FAT4: variants seen among roughly 807,000 people sequenced by gnomAD.
The protein encoded by FAT4 is FAT atypical cadherin 4, also known as protocadherin Fat 4.
In FAT4, 84 loss-of-function variants were observed where a neutral mutation model predicts 303.9. The ratio of observed to expected loss-of-function variants is 0.28; its 90% CI spans 0.23 to 0.33. The LOEUF (loss-of-function observed/expected upper bound fraction) is 0.33. FAT4 is among the 10% of genes least tolerant of loss of function. FAT4 has a pLI of 1.00. For synonymous variants in FAT4, 2,307 were observed against 2,298.8 expected, an observed-to-expected ratio of 1.00 and a Z score of -0.10; for missense variants, 6,005 against 6,146.8, an observed-to-expected ratio of 0.98 and a Z score of 0.77.
In FAT4 at chr4:125,491,774, A is replaced by G. The variant is rs1179373165; in HGVS notation, c.*6A>G. 5.6e-6 allele frequency: 9 copies of G among 1,594,586 alleles called. No homozygotes were observed. The highest frequency in any genetic ancestry group is 1.8e-5 in the Admixed American group (1 of 56,414). ...AAGCAGAACAGTATGTGTGAAGTTT[A>G]TGTACTGGCACTATAAAATATAAAA... On this transcript the variant is annotated 3_prime_UTR_variant, in exon 18 of 18. Transcript: ENST00000394329.
chr4:125,371,049 G>A (rs2125991568), intron 2 of FAT4, among the ~76,000 whole-genome samples: 1 of 151,280 alleles, frequency 6.6e-6, no homozygotes, highest in South Asian at 2.1e-4. Flanking sequence ...TTGGGAGACT[G>A]AGGCAGGCAA....
chr4:125,338,162 G>A (rs1731645751), intron 2 of FAT4, among the ~76,000 whole-genome samples: 1 of 152,076 alleles, frequency 6.6e-6, no homozygotes, highest in African/African-American at 2.4e-5. Context: ...GGGTGTTTCA[G>A]TAGAGAATTA....
At chr4:125,377,093 G>T (rs1733357251) in intron 2 of FAT4, among the ~76,000 whole-genome samples, 1 of 151,992 alleles carries the variant, frequency 6.6e-6, no homozygotes, top group African/African-American at 2.4e-5. Flanking sequence ...AATTCTAAAA[G>T]AAAGTGTCAT....
chr4:125,350,469 G>A (rs146581654), intron 2 of FAT4, among the ~76,000 whole-genome samples: 14 of 151,754 alleles, frequency 9.2e-5, no homozygotes, highest in Admixed American at 2.0e-4. Context: ...CAATGACTTC[G>A]TTTCTTGTAT....
chr4:125,464,907 C>A (rs1287222168), intron 11 of FAT4, among the ~76,000 whole-genome samples: 1 of 152,152 alleles, frequency 6.6e-6, no homozygotes, highest in Non-Finnish European at 1.5e-5. Context: ...TGGACCTGAA[C>A]AGTAAAGCTC....
chr4:125,318,749 A>G lies in FAT4; in HGVS notation c.2338A>G (p.Thr780Ala). ...ACAATCTCCCAACCAGGCAATAGTA[A>G]CCATCACTGTATTGGACACTCAAGA... ...NLQSPNQAIVTITVLDTQDNP... is the reference protein window; with the variant it reads ...NLQSPNQAIVAITVLDTQDNP... Residue 780 changes from threonine to alanine, a missense_variant, in exon 2 of 18, where the codon ACC (threonine) becomes GCC (alanine). By Grantham distance (58) the Thr-to-Ala change is moderately conservative (BLOSUM62 0). Transcript: ENST00000394329. 6.2e-7 allele frequency: 1 copy of G among 1,614,048 alleles called. No homozygotes were observed.
intron 2 of FAT4, among the ~76,000 whole-genome samples, chr4:125,355,922 C>T (rs2125981511): frequency 6.6e-6 from 1 of 152,128 alleles, no homozygotes; most frequent in Admixed American, 6.6e-5. Context: ...TTTTCTATCA[C>T]AGTTGCACCC....
chr4:125,448,366 C>A, intron 9 of FAT4, 95 bp from the exon 10 acceptor site: 1 of 1,134,346 alleles, frequency 8.8e-7, no homozygotes. Flanking sequence ...AAGGTCACAT[C>A]AAGCAGCAAT....
chr4:125,352,990 C>G (rs955089215), intron 2 of FAT4, among the ~76,000 whole-genome samples: 11 of 151,676 alleles, frequency 7.3e-5, no homozygotes, highest in African/African-American at 2.4e-4. Flanking sequence ...TCCTGGTTAG[C>G]CCTCTTCTGT....
chr4:125,473,057 T>G (rs952146255), intron 12 of FAT4, among the ~76,000 whole-genome samples: 1 of 152,144 alleles, frequency 6.6e-6, no homozygotes, highest in African/African-American at 2.4e-5. Flanking sequence ...CTTAATAAAA[T>G]TACCCCCAAC....
chr4:125,434,357 A>G lies in FAT4; in HGVS notation c.7131A>G (p.Ala2377=), dbSNP rs138403046. The G allele has an allele frequency of 1.0e-4, 163 of 1,614,094 alleles. No homozygotes were observed. In the African/African-American group the frequency reaches 1.9e-3, roughly 19 times the overall value. ...KAYFTTIPED[A]PTGTDVLLVN... ...ATTTCACAACAATTCCTGAGGATGC[A>G]CCAACTGGAACAGATGTTTTATTGG... The change falls in exon 8 of 18, where the codon GCA becomes GCG. Residue 2377 remains alanine (A), a synonymous_variant. Transcript: ENST00000394329.
chr4:125,359,795 T>G (rs1425267323), intron 2 of FAT4, among the ~76,000 whole-genome samples: 1 of 152,174 alleles, frequency 6.6e-6, no homozygotes, highest in East Asian at 1.9e-4. Context: ...CTTACGTTTT[T>G]GCCTGTGTGT....
In FAT4 at chr4:125,490,926, A is replaced by G; in HGVS notation, c.14110A>G (p.Ser4704Gly). ...CPTPNPLSRHSPAPFSKSSTF... is the reference protein window; with the variant it reads ...CPTPNPLSRHGPAPFSKSSTF... ...AACTCCCAACCCTCTGTCTCGACAC[A>G]GTCCAGCCCCTTTCTCCAAATCTTC... is the stretch of plus-strand genomic sequence containing the variant. The change falls in exon 18 of 18, where the codon AGT (serine) becomes GGT (glycine). Residue 4704 changes from serine (S) to glycine (G), a missense_variant. Physicochemically the swap from Ser to Gly is moderately conservative, Grantham distance 56 (BLOSUM62 0). Coordinates refer to ENST00000394329, the MANE Select transcript of FAT4 (RefSeq NM_001291303.3). The G allele has an allele frequency of 6.2e-7, 1 of 1,614,214 alleles. No individual in the cohort carries two copies. Among genetic ancestry groups the G allele is most frequent in the Non-Finnish European group, 8.5e-7 (1 of 1,180,040 alleles).
chr4:125,482,446 C>A (rs17009796), intron 16 of FAT4, among the ~76,000 whole-genome samples: 1 of 151,754 alleles, frequency 6.6e-6, no homozygotes, highest in Admixed American at 6.6e-5. Context: ...ATTTTTGCAT[C>A]GGCCCTTAGC....
intron 2 of FAT4, among the ~76,000 whole-genome samples, chr4:125,366,842 AATG>A (rs2125988839): frequency 6.6e-6 from 1 of 152,070 alleles, no homozygotes; most frequent in South Asian, 2.1e-4. Context: ...GCATTTCTCT[AATG>A]ATCAGTGATA....
chr4:125,443,395 G>C (rs138424425), intron 8 of FAT4, among the ~76,000 whole-genome samples: 122 of 152,168 alleles, frequency 8.0e-4, no homozygotes, highest in African/African-American at 2.8e-3. Flanking sequence ...TACATTTTCC[G>C]TCTTCACTAC....
At chr4:125,385,757 T>G (rs1733724552) in intron 2 of FAT4, among the ~76,000 whole-genome samples, 1 of 152,176 alleles carries the variant, frequency 6.6e-6, no homozygotes, top group Non-Finnish European at 1.5e-5. Flanking sequence ...AGATGTTTTA[T>G]CTGATTTTGC....
intron 2 of FAT4, chr4:125,393,946 C>T (rs758254239): frequency 3.2e-5 from 25 of 779,976 alleles, no homozygotes; most frequent in Middle Eastern, 4.5e-4. Flanking sequence ...ATGGTAACAA[C>T]GGTAGTGGCA....
chr4:125,487,397 T>C lies in FAT4; in HGVS notation c.12875T>C (p.Val4292Ala). The change falls in exon 17 of 18, where the codon GTG (valine) becomes GCG (alanine). Residue 4292 changes from valine (V) to alanine (A), a missense_variant. Physicochemically the swap from Val to Ala is moderately conservative, Grantham distance 64. Transcript: ENST00000394329. ...TCCGATGCAGGAATTGCTGGGAAAGTGGAGAGAAATATTCCTGAAGTATAT... is the reference window on the plus strand; with the variant it reads ...TCCGATGCAGGAATTGCTGGGAAAGCGGAGAGAAATATTCCTGAAGTATAT... ...FTSDAGIAGK[V>A]ERNIPEVYVA... The C allele has an allele frequency of 6.2e-7, 1 of 1,613,976 alleles. No individual in the cohort carries two copies. Among genetic ancestry groups the C allele is most frequent in the Non-Finnish European group, 8.5e-7 (1 of 1,179,882 alleles).
Sources: gnomAD v4.1 joint callset for allele counts (sites outside exome capture counted in the v4.1 genomes callset) on GRCh38, gnomAD v4.1.1 for gene constraint, MANE v1.5 for transcripts, NCBI Gene and HGNC (gene_info 2026-07-23, HGNC 2026-07-21) for gene names.